Variants in USP12 observed in about 807,000 individuals in gnomAD.
USP12 encodes ubiquitin carboxyl-terminal hydrolase 12.
Under a neutral mutation model 45.5 loss-of-function variants are expected in USP12, and 19 were observed. The observed-to-expected ratio is 0.42, with a 90% CI of 0.29 to 0.61. USP12 has a LOEUF of 0.61. Ranked by LOEUF, USP12 falls within the 20% of genes least tolerant of loss-of-function variation. USP12 has a pLI of 0.22. For synonymous variants in USP12, 149 were observed against 148.8 expected (o/e 1.00, Z -0.01); for missense variants, 242 against 447.7 (o/e 0.54, Z 4.15).
chr13:27,117,785 T>C, intron 1 of USP12: 1 of 518,238 alleles, frequency 1.9e-6, no homozygotes, highest in Non-Finnish European at 3.8e-6. Flanking sequence ...AATCATAGCG[T>C]GTCACAGTTT....
At position 27,069,288 on chromosome 13, in the gene USP12, C is replaced by G; in HGVS notation, c.1108G>C (p.Asp370His). ...SGYILFYQSR[D>H] ...CTCTTCATCACGGTTCCCTCTCAGT[C>G]CCGAGACTGATAGAAAAGGATGTAA... The change falls in exon 9 of 9, where the codon GAC becomes CAC. Residue 370 changes from aspartate to histidine, a missense_variant. Coordinates refer to ENST00000282344, the MANE Select transcript of USP12 (RefSeq NM_182488.4). 1 of 1,610,734 alleles carries G rather than the reference C, an allele frequency of 6.2e-7. No homozygotes were observed. Among genetic ancestry groups the G allele is most frequent in the Non-Finnish European group, 8.5e-7 (1 of 1,178,752 alleles).
intron 2 of USP12, among the ~76,000 whole-genome samples, chr13:27,109,450 AAAG>A (rs1875314983): frequency 6.6e-6 from 1 of 152,202 alleles, no homozygotes; most frequent in Non-Finnish European, 1.5e-5. Context: ...ACAATACCAC[AAAG>A]AAGGAAAAGG....
At chr13:27,069,818 A>G (rs1378964774) in intron 8 of USP12, among the ~76,000 whole-genome samples, 2 of 152,144 alleles carry the variant, frequency 1.3e-5, no homozygotes, top group Non-Finnish European at 1.5e-5. Context: ...GTGTTGGCGC[A>G]TGCCTGTAAT....
chr13:27,070,181 T>A (rs1161636030), intron 8 of USP12, among the ~76,000 whole-genome samples: 1 of 152,190 alleles, frequency 6.6e-6, no homozygotes, highest in Non-Finnish European at 1.5e-5. Context: ...AATATATCAA[T>A]GAGTGAATAA....
chr13:27,133,648 T>A (rs1016161799), intron 1 of USP12, among the ~76,000 whole-genome samples: 11 of 145,964 alleles, frequency 7.5e-5, no homozygotes, highest in Non-Finnish European at 1.2e-4. Context: ...AAAAAAAAAA[T>A]TCTACAATAA....
intron 7 of USP12, among the ~76,000 whole-genome samples, chr13:27,071,744 T>C (rs568676661): frequency 2.0e-5 from 3 of 152,322 alleles, no homozygotes; most frequent in Admixed American, 6.5e-5. Flanking sequence ...ATGACTATGA[T>C]TGCCCCTGCA....
intron 1 of USP12, among the ~76,000 whole-genome samples, chr13:27,165,343 ATAC>A (rs1566009831): frequency 6.6e-6 from 1 of 152,204 alleles, no homozygotes; most frequent in Non-Finnish European, 1.5e-5. Flanking sequence ...TCAGGGGTAT[ATAC>A]TACTAATAAA....
chr13:27,153,718 C>CT (rs1473802863), intron 1 of USP12, among the ~76,000 whole-genome samples: 1 of 151,946 alleles, frequency 6.6e-6, no homozygotes, highest in Non-Finnish European at 1.5e-5. Context: ...ACGTATCTTC[C>CT]TTAAAAGTAA....
At chr13:27,107,564 G>C (rs767581086) in intron 2 of USP12, among the ~76,000 whole-genome samples, 15 of 152,178 alleles carry the variant, frequency 9.9e-5, no homozygotes, top group Non-Finnish European at 1.9e-4. Context: ...GTGCATGCAT[G>C]CATGTTTGTG....
At chr13:27,092,581 A>G (rs1478670604) in intron 4 of USP12, among the ~76,000 whole-genome samples, 1 of 152,244 alleles carries the variant, frequency 6.6e-6, no homozygotes, top group Non-Finnish European at 1.5e-5. Flanking sequence ...GAGTCAACTC[A>G]TCTTTGACAA....
chr13:27,136,075 C>T (rs1030848048), intron 1 of USP12, among the ~76,000 whole-genome samples: 1 of 152,242 alleles, frequency 6.6e-6, no homozygotes, highest in East Asian at 1.9e-4. Context: ...TAGGTGATTA[C>T]AATAAAGTAA....
At chr13:27,168,161 T>C (rs1878431055) in intron 1 of USP12, among the ~76,000 whole-genome samples, 1 of 152,166 alleles carries the variant, frequency 6.6e-6, no homozygotes, top group Non-Finnish European at 1.5e-5. Context: ...CATGTTCTAA[T>C]GGATCTAATC....
At chr13:27,130,265 A>C (rs1403385125) in intron 1 of USP12, among the ~76,000 whole-genome samples, 4 of 152,182 alleles carry the variant, frequency 2.6e-5, no homozygotes, top group Non-Finnish European at 5.9e-5. Context: ...CTTAGGCTGC[A>C]ACCTTTCTTG....
At chr13:27,153,112 A>G (rs898647790) in intron 1 of USP12, among the ~76,000 whole-genome samples, 12 of 152,100 alleles carry the variant, frequency 7.9e-5, no homozygotes, top group Admixed American at 5.9e-4. Context: ...CAGGCTGATC[A>G]CCTAAGGTCA....
At chr13:27,152,517 T>G (rs964843120) in intron 1 of USP12, among the ~76,000 whole-genome samples, 4 of 152,070 alleles carry the variant, frequency 2.6e-5, no homozygotes, top group Admixed American at 2.6e-4. Context: ...CTAAAGGGTA[T>G]AAAGTATCGT....
At chr13:27,084,306 G>A (rs1318935196) in intron 6 of USP12, among the ~76,000 whole-genome samples, 1 of 151,402 alleles carries the variant, frequency 6.6e-6, no homozygotes, top group Non-Finnish European at 1.5e-5. Context: ...AAAAGATTGA[G>A]ACCATCCTGG....
chr13:27,165,055 CTT>C (rs35532017), intron 1 of USP12, among the ~76,000 whole-genome samples: 20,292 of 145,438 alleles, frequency 0.14, 1,475 homozygotes, highest in Middle Eastern at 0.22. Context: ...AGCTGGTGTG[CTT>C]TTTTTTTTTT....
At chr13:27,146,414 C>T (rs1031273116) in intron 1 of USP12, among the ~76,000 whole-genome samples, 3 of 152,018 alleles carry the variant, frequency 2.0e-5, no homozygotes, top group Non-Finnish European at 4.4e-5. Context: ...AAAAAAGCAC[C>T]TATGTAATAA....
At chr13:27,076,029 C>CAAAAA (rs11458818) in intron 6 of USP12, among the ~76,000 whole-genome samples, 6 of 98,010 alleles carry the variant, frequency 6.1e-5, no homozygotes, top group South Asian at 3.1e-4. Context: ...GGCTCCGTCT[C>CAAAAA]AAAAAAAAAA....
Sources: allele counts gnomAD v4.1 joint callset (sites outside exome capture counted in the v4.1 genomes callset), GRCh38; gene constraint gnomAD v4.1.1; transcripts MANE v1.5; gene names NCBI Gene and HGNC (gene_info 2026-07-23, HGNC 2026-07-21).